Variants in PCSK2 observed in about 807,000 individuals in gnomAD.
PCSK2 encodes proprotein convertase subtilisin/kexin type 2.
A neutral mutation model predicts 69.7 loss-of-function variants in PCSK2; 14 were observed. The ratio of observed to expected loss-of-function variants is 0.20; its 90% CI spans 0.13 to 0.31. PCSK2 has a LOEUF of 0.31. PCSK2 is among the 10% of genes least tolerant of loss of function. PCSK2 has a pLI of 1.00. For synonymous variants in PCSK2, 307 were observed against 320.7 expected, an observed-to-expected ratio of 0.96 and a Z score of 0.46; for missense variants, 544 against 842.5, an observed-to-expected ratio of 0.65 and a Z score of 4.39.
At chr20:17,415,769 C>T (rs6044795) in intron 6 of PCSK2, among the ~76,000 whole-genome samples, 1 of 152,186 alleles carries the variant, frequency 6.6e-6, no homozygotes, top group Admixed American at 6.5e-5. Flanking sequence ...ATCACGCTAC[C>T]TGACTTCAAA....
chr20:17,365,357 C>G (rs145451542), intron 4 of PCSK2, among the ~76,000 whole-genome samples: 1 of 152,256 alleles, frequency 6.6e-6, no homozygotes, highest in East Asian at 1.9e-4. Context: ...GGCCCCACTT[C>G]AAAATACTAT....
At chr20:17,329,626 C>T (rs1399578580) in intron 2 of PCSK2, among the ~76,000 whole-genome samples, 2 of 152,192 alleles carry the variant, frequency 1.3e-5, no homozygotes, top group East Asian at 1.9e-4. Context: ...TCAGCTAACA[C>T]GTGCATATCT....
intron 1 of PCSK2, among the ~76,000 whole-genome samples, chr20:17,250,721 A>T (rs1471397889): frequency 6.6e-6 from 1 of 152,160 alleles, no homozygotes; most frequent in Non-Finnish European, 1.5e-5. Context: ...AAAAACACTA[A>T]AACAAGCCAG....
At chr20:17,410,676 A>G (rs930256500) in intron 6 of PCSK2, among the ~76,000 whole-genome samples, 2 of 152,226 alleles carry the variant, frequency 1.3e-5, no homozygotes, top group Non-Finnish European at 2.9e-5. Context: ...AACTTTTGGC[A>G]TGAAGTGTGT....
Position 17,385,880 on chromosome 20 carries a change from C to G in PCSK2, c.543+16603C>G, listed in dbSNP as rs544756294. On this transcript the variant is annotated intron_variant, in intron 5 of 11. Coordinates refer to ENST00000262545, the MANE Select transcript of PCSK2 (RefSeq NM_002594.5). ...AGAAAGAGTACAAGTATGAACACAC[C>G]AACTCTTATCCATCATTGGTTGATG... Among the ~76,000 whole-genome samples the G allele has an allele frequency of 2.6e-5, 4 of 152,228 alleles. No individual in the cohort carries two copies. In the East Asian group the frequency reaches 7.7e-4, roughly 29 times the overall value.
intron 11 of PCSK2, 37 bp from the exon 12 acceptor site, chr20:17,481,547 C>T (rs1212103629): frequency 6.3e-7 from 1 of 1,592,788 alleles, no homozygotes; most frequent in Non-Finnish European, 8.6e-7. Context: ...GTGCACCCAC[C>T]ACTGCTTATC....
chr20:17,480,463 A>G lies in PCSK2; in HGVS notation c.1431-1121A>G, dbSNP rs556919851. ...CTCGGCCTCCCAAAGTGCTGGGATT[A>G]CAGGCGTGAGCCACTGCGCCCGGCC... On this transcript the variant is annotated intron_variant, in intron 11 of 11. Coordinates refer to ENST00000262545, the MANE Select transcript of PCSK2 (RefSeq NM_002594.5). Among the ~76,000 whole-genome samples, 32 of 152,310 alleles carry G rather than the reference A, an allele frequency of 2.1e-4. No individual in the cohort carries two copies. The East Asian group carries it at 6.2e-3, about 29-fold the overall frequency.
intron 5 of PCSK2, among the ~76,000 whole-genome samples, chr20:17,402,369 G>C (rs1277571718): frequency 6.6e-6 from 1 of 152,196 alleles, no homozygotes; most frequent in African/African-American, 2.4e-5. Flanking sequence ...GAGCTGCTTA[G>C]CTCTGGTAAA....
intron 2 of PCSK2, among the ~76,000 whole-genome samples, chr20:17,316,915 C>A (rs1408631959): frequency 1.3e-5 from 2 of 152,158 alleles, no homozygotes; most frequent in Non-Finnish European, 2.9e-5. Context: ...TTAAAAAAAT[C>A]TGGTTCAGCA....
At chr20:17,468,986 C>T (rs2033155521) in intron 11 of PCSK2, among the ~76,000 whole-genome samples, 1 of 152,242 alleles carries the variant, frequency 6.6e-6, no homozygotes, top group Non-Finnish European at 1.5e-5. Flanking sequence ...CTCTAATCAG[C>T]ACCACATGGA....
intron 4 of PCSK2, among the ~76,000 whole-genome samples, chr20:17,363,786 T>C (rs1485199445): frequency 6.6e-6 from 1 of 152,216 alleles, no homozygotes; most frequent in Non-Finnish European, 1.5e-5. Context: ...GAGTAATCAC[T>C]ATGTGCTAGA....
intron 2 of PCSK2, among the ~76,000 whole-genome samples, chr20:17,290,888 G>A (rs1489289706): frequency 1.3e-5 from 2 of 152,070 alleles, no homozygotes; most frequent in African/African-American, 4.8e-5. Flanking sequence ...GTGAGATAGC[G>A]AGAGGAAACG....
At chr20:17,268,028 A>AATGTGTATATATATATATATATATAT (rs2123016664) in intron 2 of PCSK2, among the ~76,000 whole-genome samples, 1 of 45,816 alleles carries the variant, frequency 2.2e-5, no homozygotes, top group Non-Finnish European at 4.7e-5. Flanking sequence ...TTATATATCC[A>AATGTGTATATATATATATATATATAT]ATGTGTATAT....
At position 17,246,446 on chromosome 20, in the gene PCSK2, A is replaced by G. The variant is rs149996442; in HGVS notation, c.178-13794A>G. ...GACAAGGCAGATGATCAGAGAAATT[A>G]CAGTAATTACTCACAATCAGTCTTC... is the stretch of plus-strand genomic sequence containing the variant. On this transcript the variant is annotated intron_variant, in intron 1 of 11. Transcript: ENST00000262545. 2.0e-5 allele frequency among the ~76,000 whole-genome samples: 3 copies of G among 152,348 alleles called. No individual in the cohort carries two copies. The East Asian group carries it at 5.8e-4, about 29-fold the overall frequency.
At chr20:17,376,613 G>A (rs1023760282) in intron 5 of PCSK2, among the ~76,000 whole-genome samples, 4 of 152,124 alleles carry the variant, frequency 2.6e-5, no homozygotes, top group African/African-American at 9.7e-5. Flanking sequence ...AAGCCTCATA[G>A]TGTGTATTTC....
At chr20:17,472,041 A>T (rs751116691) in intron 11 of PCSK2, among the ~76,000 whole-genome samples, 9 of 152,226 alleles carry the variant, frequency 5.9e-5, no homozygotes, top group Non-Finnish European at 1.0e-4. Flanking sequence ...TCAGTGAAGG[A>T]TGCTCAGCTA....
At chr20:17,412,830 C>T (rs1474834620) in intron 6 of PCSK2, among the ~76,000 whole-genome samples, 2 of 152,232 alleles carry the variant, frequency 1.3e-5, no homozygotes, top group South Asian at 2.1e-4. Flanking sequence ...AACAGCAGAT[C>T]TCTCAGCAGA....
intron 11 of PCSK2, chr20:17,478,939 T>C (rs6131961): frequency 0.13 from 78,116 of 591,794 alleles, 5,385 homozygotes; most frequent in East Asian, 0.2. Flanking sequence ...TGCTATGATA[T>C]TGCTTGCTTA....
chr20:17,466,356 G>A (rs747986607), intron 11 of PCSK2, among the ~76,000 whole-genome samples: 1 of 152,206 alleles, frequency 6.6e-6, no homozygotes. Context: ...CATGTTTAAT[G>A]TGTACTTACA....
Sources: allele counts gnomAD v4.1 joint callset (sites outside exome capture counted in the v4.1 genomes callset), GRCh38; gene constraint gnomAD v4.1.1; transcripts MANE v1.5; gene names NCBI Gene and HGNC (gene_info 2026-07-23, HGNC 2026-07-21).